ACVR1B: variants seen among roughly 807,000 people sequenced by gnomAD.
ACVR1B encodes activin receptor type-1B.
Under a neutral mutation model 55.6 loss-of-function variants are expected in ACVR1B, and 15 were observed. The observed-to-expected ratio is 0.27, with a 90% CI of 0.18 to 0.42. The LOEUF (loss-of-function observed/expected upper bound fraction) is 0.42, where lower values mean the gene tolerates loss of function less well. Among genes scored for constraint, ACVR1B ranks in the 10% least tolerant of loss-of-function variants. The probability of loss-of-function intolerance (pLI) is 1.00; values close to 1 mark genes in which losing one functional copy is unlikely to be tolerated. For missense variants in ACVR1B, 359 were observed against 670.1 expected (o/e 0.54, Z 5.13); for synonymous variants, 247 against 254.6 (o/e 0.97, Z 0.28).
chr12:51,966,367 A>G (rs537690585), intron 1 of ACVR1B, among the ~76,000 whole-genome samples: 4 of 152,372 alleles, frequency 2.6e-5, no homozygotes, highest in Non-Finnish European at 5.9e-5. Flanking sequence ...TAACAGTGCA[A>G]GCGGGAACCT....
Position 51,982,739 on chromosome 12 carries a change from C to T in ACVR1B, c.812-1260C>T, listed in dbSNP as rs191020997. ...GGAAGTTGTAATGGTCTCTGCTGCC[C>T]CCAAGCTGAGGAGCCTTAGACTCCA... On this transcript the variant is annotated intron_variant, in intron 4 of 8. Coordinates refer to ENST00000257963, the MANE Select transcript of ACVR1B (RefSeq NM_004302.5). The T allele has an allele frequency of 1.4e-4, 213 of 1,534,256 alleles. No homozygotes were observed. The East Asian group carries it at 5.1e-3, about 36-fold the overall frequency.
chr12:51,992,406 TG>T, intron 8 of ACVR1B: 1 of 226,666 alleles, frequency 4.4e-6, no homozygotes, highest in South Asian at 9.7e-5. Context: ...GAGGCTGAGG[TG>T]GGAGGATTGC....
intron 8 of ACVR1B, 154 bp downstream of exon 8, chr12:51,992,147 T>C: frequency 2.1e-6 from 2 of 969,956 alleles, no homozygotes; most frequent in South Asian, 3.3e-5. Flanking sequence ...CCAAGCCCTT[T>C]AGGGCTACAG....
At chr12:51,978,822 T>TC (rs1941920298) in intron 3 of ACVR1B, among the ~76,000 whole-genome samples, 1 of 101,978 alleles carries the variant, frequency 9.8e-6, no homozygotes, top group Non-Finnish European at 1.9e-5. Flanking sequence ...AGAGCGAGAC[T>TC]CCGTCTCAAA....
chr12:51,975,579 C>T (rs1941833042), intron 2 of ACVR1B, 75 bp downstream of exon 2: 2 of 1,537,854 alleles, frequency 1.3e-6, no homozygotes, highest in East Asian at 2.3e-5. Context: ...TTTTTCTACT[C>T]TTGCCCACTC....
chr12:51,976,679 C>G, intron 3 of ACVR1B, 104 bp downstream of exon 3: 1 of 1,435,312 alleles, frequency 7.0e-7, no homozygotes, highest in South Asian at 1.3e-5. Context: ...TTTGTTTCTA[C>G]CAGCATTGAG....
chr12:51,983,892 T>C (rs1942029110), intron 4 of ACVR1B, 107 bp from the exon 5 acceptor site: 8 of 1,145,060 alleles, frequency 7.0e-6, no homozygotes, highest in Non-Finnish European at 8.9e-6. Flanking sequence ...GAAATGTGAA[T>C]TCAGGAGTCT....
chr12:51,988,245 C>T (rs532131253), intron 7 of ACVR1B, among the ~76,000 whole-genome samples: 1 of 152,256 alleles, frequency 6.6e-6, no homozygotes, highest in East Asian at 1.9e-4. Context: ...CCAAGGCAGG[C>T]GGATCACGAG....
intron 8 of ACVR1B, among the ~76,000 whole-genome samples, chr12:51,993,511 T>A (rs1942234303): frequency 1.3e-5 from 2 of 151,954 alleles, no homozygotes; most frequent in African/African-American, 4.8e-5. Context: ...ATGCCTGTAA[T>A]CCCAGCACTT....
intron 1 of ACVR1B, among the ~76,000 whole-genome samples, chr12:51,963,300 C>T (rs1941572467): frequency 6.6e-6 from 1 of 151,886 alleles, no homozygotes; most frequent in Non-Finnish European, 1.5e-5. Context: ...GCTGGAGTGC[C>T]ATAGCATGAT....
chr12:51,983,441 C>A lies in ACVR1B; in HGVS notation c.812-558C>A, dbSNP rs1942018381. 2.6e-5 allele frequency among the ~76,000 whole-genome samples: 4 copies of A among 152,168 alleles called. No homozygotes were observed. In the South Asian group the frequency reaches 8.3e-4, roughly 32 times the overall value. Reference sequence around the variant, plus strand: ...CCAATAATCCATAAAGGAGATCTTTCCTACTCACAGAGATATCATAGCCTG... The same window carrying A: ...CCAATAATCCATAAAGGAGATCTTTACTACTCACAGAGATATCATAGCCTG... On this transcript the variant is annotated intron_variant, in intron 4 of 8. Transcript: ENST00000257963.
intron 4 of ACVR1B, chr12:51,982,621 T>C: frequency 1.4e-6 from 2 of 1,439,756 alleles, no homozygotes; most frequent in South Asian, 2.9e-5. Flanking sequence ...CATGGTGCAA[T>C]TTAGAAGTTA....
chr12:51,987,263 T>C (rs557221811), intron 7 of ACVR1B: 1 of 617,696 alleles, frequency 1.6e-6, no homozygotes, highest in South Asian at 2.0e-5. Context: ...ATTCATGCAG[T>C]GGTCTCCTTC....
intron 1 of ACVR1B, among the ~76,000 whole-genome samples, chr12:51,960,777 C>T (rs889604286): frequency 6.6e-6 from 1 of 152,162 alleles, no homozygotes; most frequent in Non-Finnish European, 1.5e-5. Context: ...CCTTCAATCT[C>T]CCATTTGTTT....
intron 1 of ACVR1B, among the ~76,000 whole-genome samples, chr12:51,965,635 G>C (rs1000543407): frequency 6.6e-6 from 1 of 152,120 alleles, no homozygotes; most frequent in African/African-American, 2.4e-5. Context: ...ATGTGAGATC[G>C]TTCAGCGAGG....
intron 7 of ACVR1B, among the ~76,000 whole-genome samples, chr12:51,989,516 C>T (rs1186617832): frequency 3.9e-5 from 6 of 152,078 alleles, no homozygotes. Context: ...AACTCCTGAC[C>T]TCAGGTGGTC....
Position 51,985,202 on chromosome 12 carries a change from A to G in ACVR1B, c.990A>G (p.Gly330=). ...TTTTTTCTCTGCCAGGGAAGCCTGGAATTGCTCATCGAGACTTAAAGTCAA... is the reference window on the plus strand; with the variant it reads ...TTTTTTCTCTGCCAGGGAAGCCTGGGATTGCTCATCGAGACTTAAAGTCAA... ...MEIVGTQGKP[G]IAHRDLKSKN... is the part of the protein sequence containing the mutation. Residue 330 remains glycine, a synonymous_variant, in exon 6 of 9, where the codon GGA becomes GGG. Transcript: ENST00000257963. 1.2e-6 allele frequency: 2 copies of G among 1,609,970 alleles called. No homozygotes were observed. Among genetic ancestry groups the G allele is most frequent in the Non-Finnish European group, 1.7e-6 (2 of 1,178,452 alleles).
At chr12:51,975,013 A>G (rs1027585609) in intron 1 of ACVR1B, among the ~76,000 whole-genome samples, 11 of 152,182 alleles carry the variant, frequency 7.2e-5, no homozygotes, top group Admixed American at 3.3e-4. Context: ...ATTTGAAGAA[A>G]AGGTAGTTCC....
chr12:51,956,230 C>T (rs1941405911), intron 1 of ACVR1B, among the ~76,000 whole-genome samples: 1 of 152,202 alleles, frequency 6.6e-6, no homozygotes, highest in Admixed American at 6.5e-5. Context: ...AGTCTTAAGC[C>T]TGCATTTGTC....
Sources: gnomAD v4.1 joint callset for allele counts (sites outside exome capture counted in the v4.1 genomes callset) on GRCh38, gnomAD v4.1.1 for gene constraint, MANE v1.5 for transcripts, NCBI Gene and HGNC (gene_info 2026-07-23, HGNC 2026-07-21) for gene names.